The following LRRCC1 variants were observed in gnomAD, a reference collection of about 807,000 sequenced individuals.
LRRCC1 encodes the protein leucine-rich repeat and coiled-coil domain-containing protein 1.
LRRCC1 carries 115 observed loss-of-function variants against 126.0 expected under a neutral mutation model. The observed-to-expected ratio is 0.91, with a 90% CI of 0.78 to 1.07. The LOEUF (loss-of-function observed/expected upper bound fraction) is 1.07. Ranked by LOEUF, LRRCC1 falls within the 50% of genes least tolerant of loss-of-function variation. LRRCC1 has a pLI of 0.00. For synonymous variants in LRRCC1, 400 were observed against 393.4 expected (o/e 1.02, Z -0.20); for missense variants, 1,172 against 1,175.7 (o/e 1.00, Z 0.05).
chr8:85,122,486 A>G (rs1203552872), intron 6 of LRRCC1, among the ~76,000 whole-genome samples: 2 of 151,800 alleles, frequency 1.3e-5, no homozygotes, highest in African/African-American at 4.8e-5. Context: ...AGCTTCATGT[A>G]CTCTTTCTTT....
chr8:85,144,472 A>ATTT (rs1563963659), intron 18 of LRRCC1, among the ~76,000 whole-genome samples: 2 of 30,064 alleles, frequency 6.7e-5, no homozygotes, highest in Non-Finnish European at 1.1e-4. Context: ...ATATATATAT[A>ATTT]TATTTTTTTT....
intron 8 of LRRCC1, 135 bp downstream of exon 8, chr8:85,125,074 T>G (rs1809870534): frequency 1.7e-6 from 1 of 582,160 alleles, no homozygotes; most frequent in South Asian, 2.7e-5. Flanking sequence ...ATTTTTTCCT[T>G]CCTGATTTCC....
chr8:85,134,000 G>C (rs115108818), intron 12 of LRRCC1, among the ~76,000 whole-genome samples: 1,622 of 152,144 alleles, frequency 0.011, 34 homozygotes, highest in African/African-American at 0.037. Flanking sequence ...CACCACTCCA[G>C]TGACAACAGC....
chr8:85,109,179 T>C (rs1290208752), intron 1 of LRRCC1: 1 of 164,668 alleles, frequency 6.1e-6, no homozygotes, highest in Non-Finnish European at 1.3e-5. Flanking sequence ...ATTGTGAGAA[T>C]TAATTGAGGT....
intron 17 of LRRCC1, among the ~76,000 whole-genome samples, 186 bp from the exon 18 acceptor site, chr8:85,141,196 T>G (rs1247262443): frequency 1.3e-5 from 2 of 152,196 alleles, no homozygotes; most frequent in African/African-American, 2.4e-5. Flanking sequence ...TCCTAATAGA[T>G]TCTGCTGGAT....
At chr8:85,121,314 C>G (rs150326805) in intron 6 of LRRCC1, among the ~76,000 whole-genome samples, 9 of 152,234 alleles carry the variant, frequency 5.9e-5, no homozygotes, top group Non-Finnish European at 1.3e-4. Context: ...GGATTAGGGT[C>G]TACCATTTTA....
chr8:85,127,298 T>TTTTTG (rs71312666), intron 9 of LRRCC1, among the ~76,000 whole-genome samples: 77,752 of 151,104 alleles, frequency 0.51, 23,290 homozygotes, highest in Non-Finnish European at 0.66. Flanking sequence ...TTATCTGGGT[T>TTTTTG]TTTTGTTTTG....
At chr8:85,138,613 C>T in intron 17 of LRRCC1, 138 bp downstream of exon 17, 1 of 891,184 alleles carries the variant, frequency 1.1e-6, no homozygotes, top group Non-Finnish European at 1.7e-6. Context: ...TCCATTTCAT[C>T]TGTAAAATGA....
At chr8:85,108,880 T>C (rs939346110) in intron 1 of LRRCC1, 1 of 149,106 alleles carries the variant, frequency 6.7e-6, no homozygotes, top group African/African-American at 2.6e-5. Context: ...GAAGCTTCAG[T>C]TATAAATAGT....
intron 8 of LRRCC1, among the ~76,000 whole-genome samples, chr8:85,125,425 G>A (rs1809900509): frequency 6.6e-6 from 1 of 151,826 alleles, no homozygotes; most frequent in Admixed American, 6.6e-5. Context: ...TGTAATCCCA[G>A]CACTTTGGGA....
Position 85,120,403 on chromosome 8 carries a change from T to C in LRRCC1, c.931-3010T>C, listed in dbSNP as rs543358698. Among the ~76,000 whole-genome samples, 7 of 152,372 alleles carry C rather than the reference T, an allele frequency of 4.6e-5. No individual in the cohort carries two copies. The South Asian group carries it at 1.4e-3, about 32-fold the overall frequency. The stretch of plus-strand genomic sequence containing the variant: ...TTGTGTTTCTCACTTTAGTTCTTTA[T>C]TTGCTTCTTATGTTTGAAGCTCTGT... On this transcript the variant is annotated intron_variant, in intron 6 of 18. Coordinates refer to ENST00000360375, the MANE Select transcript of LRRCC1 (RefSeq NM_033402.5).
At chr8:85,139,339 A>G (rs1443637502) in intron 17 of LRRCC1, among the ~76,000 whole-genome samples, 1 of 152,068 alleles carries the variant, frequency 6.6e-6, no homozygotes, top group Non-Finnish European at 1.5e-5. Context: ...ATCTGGGCTC[A>G]CTGCAACTTC....
rs570897085 is a variant in LRRCC1, at chr8:85,145,499, G to C, written c.3087G>C (p.Gln1029His). 130 of 1,584,710 alleles carry C rather than the reference G, an allele frequency of 8.2e-5. 1 individual carries two copies. Among genetic ancestry groups the C allele is most frequent in the Non-Finnish European group, 5.1e-6 (6 of 1,170,804 alleles). Residue 1029 changes from glutamine (Q) to histidine (H), a missense_variant, in exon 19 of 19, where the codon CAG becomes CAC. Physicochemically the swap from Gln to His is conservative, Grantham distance 24. Coordinates refer to ENST00000360375, the MANE Select transcript of LRRCC1 (RefSeq NM_033402.5). ...KQLAFALNEI[Q>H]QDM ...TTGCTTTTGCTTTAAATGAAATTCA[G>C]CAAGATATGTGATGGTTCTGAGAAT...
intron 6 of LRRCC1, among the ~76,000 whole-genome samples, chr8:85,122,524 T>C (rs1809635608): frequency 6.6e-6 from 1 of 152,240 alleles, no homozygotes; most frequent in Admixed American, 6.5e-5. Context: ...TTAATCTCAG[T>C]CAGTTTCTAC....
chr8:85,145,311 G>T, intron 18 of LRRCC1, 78 bp from the exon 19 acceptor site: 3 of 1,111,344 alleles, frequency 2.7e-6, no homozygotes, highest in Non-Finnish European at 3.7e-6. Context: ...ATAAATTTTG[G>T]ACCTTTTCTT....
chr8:85,139,138 A>G (rs1206769202), intron 17 of LRRCC1, among the ~76,000 whole-genome samples: 1 of 152,158 alleles, frequency 6.6e-6, no homozygotes. Context: ...AGCTAGTGAT[A>G]TTTTAGTTGT....
In LRRCC1 at chr8:85,124,826, G is replaced by T; in HGVS notation, c.1159G>T (p.Glu387Ter). The T allele has an allele frequency of 6.3e-7, 1 of 1,581,770 alleles. No homozygotes were observed. The highest frequency in any genetic ancestry group is 8.6e-7 in the Non-Finnish European group (1 of 1,161,078). Reference sequence around the variant, plus strand: ...TAAAATGAAACCACCTTACCTTAAAGAATTATATGTAAGCTCATCTTTAGC... The same window carrying T: ...TAAAATGAAACCACCTTACCTTAAATAATTATATGTAAGCTCATCTTTAGC... The part of the protein sequence containing the change: ...NRKMKPPYLK[E>*]LYVSSSLANC... The change falls in exon 8 of 19, where the codon GAA becomes TAA. Residue 387 changes from glutamate (E) to a stop codon, truncating the protein, a stop_gained. Transcript: ENST00000360375. LOFTEE classifies it high-confidence loss of function.
Position 85,137,519 on chromosome 8 carries a change from T to C in LRRCC1, c.2385T>C (p.Ser795=), listed in dbSNP as rs778205611. The part of the protein sequence containing the change: ...GKLEAQIESL[S]RENECLRKTN... ...TGGAGGCTCAAATTGAGAGTTTATC[T>C]AGAGAGAATGAATGTCTGCGAAAGA... The change falls in exon 15 of 19, where the codon TCT becomes TCC. Residue 795 remains serine, a synonymous_variant. Coordinates refer to ENST00000360375, the MANE Select transcript of LRRCC1 (RefSeq NM_033402.5). The C allele has an allele frequency of 6.4e-7, 1 of 1,572,922 alleles. No individual in the cohort carries two copies.
At chr8:85,142,257 C>T (rs1255023666) in intron 18 of LRRCC1, among the ~76,000 whole-genome samples, 4 of 152,124 alleles carry the variant, frequency 2.6e-5, no homozygotes, top group African/African-American at 9.7e-5. Context: ...TGCGCCACTG[C>T]ACTCCAGCCT....
Sources: allele counts gnomAD v4.1 joint callset (sites outside exome capture counted in the v4.1 genomes callset), GRCh38; gene constraint gnomAD v4.1.1; transcripts MANE v1.5; gene names NCBI Gene and HGNC (gene_info 2026-07-23, HGNC 2026-07-21).